Variants in TRMT11 observed in about 807,000 individuals in gnomAD.
The protein encoded by TRMT11 is tRNA (guanine(10)-N(2))-methyltransferase TRMT11.
TRMT11 carries 53 observed loss-of-function variants against 62.8 expected under a neutral mutation model. The observed-to-expected ratio is 0.84, with a 90% CI of 0.68 to 1.06. TRMT11 has a LOEUF of 1.06. Ranked by LOEUF, TRMT11 falls within the 50% of genes least tolerant of loss-of-function variation. The pLI is 0.00. For synonymous variants in TRMT11, 188 were observed against 190.3 expected, an observed-to-expected ratio of 0.99 and a Z score of 0.10; for missense variants, 556 against 553.4, an observed-to-expected ratio of 1.00 and a Z score of -0.05.
At chr6:126,167,260 TCTC>T (rs1778279436) in intron 21 of TRMT11, among the ~76,000 whole-genome samples, 1 of 152,154 alleles carries the variant, frequency 6.6e-6, no homozygotes, top group Non-Finnish European at 1.5e-5. Context: ...CCCGAGGGAA[TCTC>T]CTGGTCTGTG....
chr6:126,025,422 C>T (rs2128007432), intron 12 of TRMT11, among the ~76,000 whole-genome samples: 1 of 151,914 alleles, frequency 6.6e-6, no homozygotes, highest in East Asian at 1.9e-4. Context: ...TTGTTCTTTT[C>T]CAATTGATTT....
chr6:126,135,008 T>G (rs1428300638), intron 21 of TRMT11, among the ~76,000 whole-genome samples: 1 of 151,578 alleles, frequency 6.6e-6, no homozygotes, highest in African/African-American at 2.4e-5. Context: ...CTGAGGGAAT[T>G]TTATACCAGT....
rs546690657 is a variant in TRMT11, at chr6:126,097,839, G to A, written c.*1438-15027G>A. ...GGGGCAGGGGCTGGGGTTGTGGGGA[G>A]TAGGAAGAGGAAGTGGGGAAAAGTA... On this transcript the variant is annotated intron_variant and NMD_transcript_variant, in intron 17 of 22. Transcript: ENST00000648977. Among the ~76,000 whole-genome samples the A allele has an allele frequency of 9.5e-4, 145 of 152,168 alleles. 1 individual carries two copies. Among genetic ancestry groups the A allele is most frequent in the African/African-American group, 3.1e-3 (127 of 41,514 alleles).
At chr6:126,093,631 A>ATATATATATATTTTTTTTTTTTTT (rs1554236842) in intron 17 of TRMT11, among the ~76,000 whole-genome samples, 2 of 98,016 alleles carry the variant, frequency 2.0e-5, no homozygotes, top group African/African-American at 8.7e-5. Flanking sequence ...ATATATATAT[A>ATATATATATATTTTTTTTTTTTTT]TTTTCCCCCA....
chr6:126,001,195 C>T (rs1391862240), intron 7 of TRMT11, among the ~76,000 whole-genome samples: 1 of 152,042 alleles, frequency 6.6e-6, no homozygotes, highest in Non-Finnish European at 1.5e-5. Context: ...TCAGTCTTGC[C>T]AGTTTACCCA....
chr6:126,064,762 G>A (rs1776639121), intron 17 of TRMT11, among the ~76,000 whole-genome samples: 1 of 152,224 alleles, frequency 6.6e-6, no homozygotes, highest in East Asian at 1.9e-4. Flanking sequence ...CTCTTAGGCT[G>A]CAGATTTATC....
At chr6:126,253,021 A>G in the TRMT11 span, among the ~76,000 whole-genome samples, 1 of 152,320 alleles carries the variant, frequency 6.6e-6, no homozygotes, top group African/African-American at 2.4e-5. Flanking sequence ...AATCTGAACA[A>G]GAATGTATGG....
At chr6:126,019,035 C>T (rs190752128) in intron 11 of TRMT11, among the ~76,000 whole-genome samples, 45 of 152,204 alleles carry the variant, frequency 3.0e-4, no homozygotes, top group Non-Finnish European at 5.9e-5. Context: ...CATGTGCCAC[C>T]ATGCCTGGCT....
intron 17 of TRMT11, among the ~76,000 whole-genome samples, chr6:126,096,745 A>G (rs993491276): frequency 1.3e-5 from 2 of 152,148 alleles, no homozygotes; most frequent in Non-Finnish European, 2.9e-5. Context: ...TCACTGAGGG[A>G]TGATTTCACA....
In TRMT11 at chr6:126,139,599, C is replaced by T. The variant is rs113795583; in HGVS notation, c.*1823+23744C>T. Among the ~76,000 whole-genome samples, 1,274 of 152,176 alleles carry T rather than the reference C, an allele frequency of 8.4e-3. 18 individuals carry two copies. The highest frequency in any genetic ancestry group is 0.029 in the African/African-American group (1,205 of 41,528). On this transcript the variant is annotated intron_variant and NMD_transcript_variant, in intron 21 of 22. Coordinates refer to the TRMT11 transcript ENST00000648977. ...GGCCAATCTGGTCTTGAACTCTTGA[C>T]CTCAAATGATCCACCCACCTCACTC...
intron 21 of TRMT11, among the ~76,000 whole-genome samples, chr6:126,138,261 T>C (rs113182347): frequency 0.012 from 1,753 of 152,006 alleles, 35 homozygotes; most frequent in African/African-American, 0.039. Context: ...AAAAATACAA[T>C]AAAAGTGTGT....
intron 17 of TRMT11, among the ~76,000 whole-genome samples, chr6:126,094,050 A>T (rs926093977): frequency 6.6e-6 from 1 of 151,956 alleles, no homozygotes; most frequent in African/African-American, 2.4e-5. Context: ...TTGGTCCTTA[A>T]TTCATGATTA....
intron 17 of TRMT11, among the ~76,000 whole-genome samples, chr6:126,093,051 T>C (rs556431220): frequency 1.3e-5 from 2 of 152,310 alleles, no homozygotes; most frequent in South Asian, 2.1e-4. Flanking sequence ...ATGAACTGTT[T>C]ATTATTTATG....
At chr6:126,147,398 T>C (rs1007799487) in intron 21 of TRMT11, among the ~76,000 whole-genome samples, 1 of 150,272 alleles carries the variant, frequency 6.7e-6, no homozygotes. Context: ...GCTTTGAAAG[T>C]GCACAATTCT....
At chr6:126,040,911 A>G (rs1181663630), downstream of TRMT11, among the ~76,000 whole-genome samples, 2 of 152,068 alleles carry the variant, frequency 1.3e-5, no homozygotes, top group South Asian at 2.1e-4. Flanking sequence ...TGTTTAGCCA[A>G]AGTGGCCAGC....
At chr6:126,091,177 C>G (rs1777271931) in intron 17 of TRMT11, among the ~76,000 whole-genome samples, 2 of 149,006 alleles carry the variant, frequency 1.3e-5, no homozygotes, top group South Asian at 4.4e-4. Flanking sequence ...GCACTCCAGC[C>G]TGGGTGACAG....
At chr6:126,185,937 A>G (rs1390924468) in intron 1 of TRMT11, among the ~76,000 whole-genome samples, 1 of 152,156 alleles carries the variant, frequency 6.6e-6, no homozygotes, top group Non-Finnish European at 1.5e-5. Flanking sequence ...AACTGCCCCT[A>G]TGATCCAATC....
intron 21 of TRMT11, among the ~76,000 whole-genome samples, chr6:126,132,812 G>A (rs1777800905): frequency 6.6e-6 from 1 of 152,006 alleles, no homozygotes. Flanking sequence ...TTTAGAGTTG[G>A]TTGTACTGTA....
At chr6:126,081,240 A>G (rs577715180) in intron 17 of TRMT11, among the ~76,000 whole-genome samples, 1 of 152,336 alleles carries the variant, frequency 6.6e-6, no homozygotes, top group African/African-American at 2.4e-5. Flanking sequence ...GTAGCTAGTG[A>G]CCTGAAAAAT....
Sources: allele counts gnomAD v4.1 joint callset (sites outside exome capture counted in the v4.1 genomes callset), GRCh38; gene constraint gnomAD v4.1.1; transcripts MANE v1.5; gene names NCBI Gene and HGNC (gene_info 2026-07-23, HGNC 2026-07-21).